Variants in BMPER observed in about 807,000 individuals in gnomAD.
BMPER encodes the protein BMP binding endothelial regulator, also known as BMP-binding endothelial regulator protein.
In BMPER, 45 loss-of-function variants were observed where a neutral mutation model predicts 87.3. That is an observed-to-expected ratio of 0.52 (90% CI 0.41 to 0.66). The LOEUF is 0.66. BMPER is among the 30% of genes least tolerant of loss of function. BMPER has a pLI of 0.00. For missense variants in BMPER, 784 were observed against 867.5 expected (o/e 0.90, Z 1.21); for synonymous variants, 326 against 316.2 (o/e 1.03, Z -0.33).
chr7:34,094,139 G>T (rs1789466406), intron 13 of BMPER, among the ~76,000 whole-genome samples: 1 of 152,174 alleles, frequency 6.6e-6, no homozygotes, highest in Non-Finnish European at 1.5e-5. Context: ...TCTGCCATGA[G>T]CTCTCAGAGG....
At chr7:33,938,593 G>T (rs1303528854) in intron 3 of BMPER, among the ~76,000 whole-genome samples, 1 of 152,182 alleles carries the variant, frequency 6.6e-6, no homozygotes, top group Non-Finnish European at 1.5e-5. Flanking sequence ...CCGACACCTT[G>T]ATCTTGGTCT....
At chr7:34,088,637 G>A (rs1348409792) in intron 13 of BMPER, among the ~76,000 whole-genome samples, 6 of 152,076 alleles carry the variant, frequency 3.9e-5, no homozygotes, top group Admixed American at 3.3e-4. Flanking sequence ...ATCCTTTATC[G>A]AAAGAACTGA....
At chr7:33,909,484 C>T (rs928389561) in intron 2 of BMPER, among the ~76,000 whole-genome samples, 9 of 151,988 alleles carry the variant, frequency 5.9e-5, no homozygotes, top group African/African-American at 2.2e-4. Context: ...AGGAAAATCT[C>T]GTTATGATTT....
intron 6 of BMPER, among the ~76,000 whole-genome samples, chr7:34,045,737 A>G (rs1787945945): frequency 6.6e-6 from 1 of 152,168 alleles, no homozygotes; most frequent in Non-Finnish European, 1.5e-5. Context: ...ATCTACCTGG[A>G]ACCTCCTTGA....
chr7:34,114,617 C>G (rs1790063424), intron 13 of BMPER, among the ~76,000 whole-genome samples: 1 of 152,152 alleles, frequency 6.6e-6, no homozygotes, highest in South Asian at 2.1e-4. Flanking sequence ...TCATTGCAAA[C>G]TGTGATAAGT....
In BMPER at chr7:33,937,339, C is replaced by T; in HGVS notation, c.270C>T (p.Asp90=). Residue 90 remains aspartate, a synonymous_variant, in exon 3 of 15, where the codon GAC becomes GAT. Coordinates refer to ENST00000649409, the MANE Select transcript of BMPER (RefSeq NM_001365308.1). ...AGAAGTGCCCCGTGCTGTCCCGAGA[C>T]TGTGCCCTGGCCATCAAGCAGAGGG... The part of the protein sequence containing the change: ...KREKCPVLSR[D]CALAIKQRGA... 6.2e-7 allele frequency: 1 copy of T among 1,614,232 alleles called. No individual in the cohort carries two copies. The highest frequency in any genetic ancestry group is 8.5e-7 in the Non-Finnish European group (1 of 1,180,036).
intron 13 of BMPER, among the ~76,000 whole-genome samples, chr7:34,123,779 C>A (rs1351749732): frequency 1.3e-5 from 2 of 152,114 alleles, no homozygotes; most frequent in East Asian, 1.9e-4. Context: ...TAGGGCTGTT[C>A]TTTAATTTGA....
chr7:33,951,244 C>T (rs1785014537), intron 3 of BMPER, among the ~76,000 whole-genome samples: 1 of 152,010 alleles, frequency 6.6e-6, no homozygotes, highest in South Asian at 2.1e-4. Context: ...GATGGGTTTT[C>T]ACCATGTTGG....
chr7:34,128,966 T>C (rs1395301526), intron 13 of BMPER, among the ~76,000 whole-genome samples: 1 of 152,174 alleles, frequency 6.6e-6, no homozygotes, highest in Non-Finnish European at 1.5e-5. Context: ...CTCTGACTTT[T>C]TGTGAGTCAT....
chr7:33,979,245 G>T (rs999514943), intron 6 of BMPER, among the ~76,000 whole-genome samples: 13 of 151,516 alleles, frequency 8.6e-5, no homozygotes, highest in African/African-American at 2.4e-4. Flanking sequence ...ACTCTGTTTT[G>T]CCTCCAGTCC....
chr7:33,921,982 C>A, intron 2 of BMPER: 1 of 395,472 alleles, frequency 2.5e-6, no homozygotes, highest in Non-Finnish European at 5.2e-6. Flanking sequence ...TGGCAACTTA[C>A]AGCCAGCAGG....
At chr7:33,937,169 G>A (rs1585654414) in intron 2 of BMPER, 120 bp from the exon 3 acceptor site, 14 of 1,004,626 alleles carry the variant, frequency 1.4e-5, no homozygotes, top group Middle Eastern at 2.9e-4. Flanking sequence ...CTCTCACAGC[G>A]TCTTCTTGCC....
intron 10 of BMPER, among the ~76,000 whole-genome samples, chr7:34,060,701 G>GTGAA (rs1166220258): frequency 6.6e-6 from 1 of 152,218 alleles, no homozygotes; most frequent in African/African-American, 2.4e-5. Context: ...TAGTGAGTGA[G>GTGAA]TGAATGAGCA....
At chr7:34,086,173 C>T in intron 13 of BMPER, 81 bp downstream of exon 13, 3 of 1,491,920 alleles carry the variant, frequency 2.0e-6, no homozygotes, top group Non-Finnish European at 9.2e-7. Context: ...TATGAAATCT[C>T]TTGTTGTGCA....
At chr7:34,104,623 G>A (rs1306855654) in intron 13 of BMPER, among the ~76,000 whole-genome samples, 1 of 152,042 alleles carries the variant, frequency 6.6e-6, no homozygotes, top group Non-Finnish European at 1.5e-5. Context: ...AACCACCTCT[G>A]AAAAAGAAAA....
chr7:33,993,372 C>A (rs1426907810), intron 6 of BMPER, among the ~76,000 whole-genome samples: 1 of 150,940 alleles, frequency 6.6e-6, no homozygotes, highest in Non-Finnish European at 1.5e-5. Context: ...TTCATTTCAT[C>A]TTCCATCACT....
intron 13 of BMPER, among the ~76,000 whole-genome samples, chr7:34,118,431 A>G (rs1790172565): frequency 6.6e-6 from 1 of 152,250 alleles, no homozygotes; most frequent in Non-Finnish European, 1.5e-5. Context: ...AAGGCGTTCC[A>G]TGCTCAAAGA....
At chr7:33,999,102 C>T (rs916279212) in intron 6 of BMPER, among the ~76,000 whole-genome samples, 5 of 152,238 alleles carry the variant, frequency 3.3e-5, no homozygotes, top group African/African-American at 4.8e-5. Context: ...TGGGGTGCTT[C>T]GCACCATTCT....
chr7:34,121,898 T>C (rs747913584), intron 13 of BMPER, among the ~76,000 whole-genome samples: 4 of 151,526 alleles, frequency 2.6e-5, no homozygotes, highest in Non-Finnish European at 5.9e-5. Context: ...AAGGCAGGAG[T>C]ACTGCTTGAA....
Sources: allele counts gnomAD v4.1 joint callset (sites outside exome capture counted in the v4.1 genomes callset), GRCh38; gene constraint gnomAD v4.1.1; transcripts MANE v1.5; gene names NCBI Gene and HGNC (gene_info 2026-07-23, HGNC 2026-07-21).